NRXN3: variants seen among roughly 807,000 people sequenced by gnomAD.
The protein encoded by NRXN3 is neurexin III.
Under a neutral mutation model 137.6 loss-of-function variants are expected in NRXN3, and 32 were observed. That is an observed-to-expected ratio of 0.23 (90% CI 0.18 to 0.31). NRXN3 has a LOEUF of 0.31. Ranked by LOEUF, NRXN3 falls within the 10% of genes least tolerant of loss-of-function variation. The pLI, the probability that NRXN3 is intolerant of heterozygous loss-of-function variation, is 1.00. For synonymous variants in NRXN3, 798 were observed against 784.5 expected (o/e 1.02, Z -0.29); for missense variants, 1,574 against 2,062.5 (o/e 0.76, Z 4.59).
At chr14:78,233,317 A>G (rs2065712224) in intron 1 of NRXN3, among the ~76,000 whole-genome samples, 1 of 152,128 alleles carries the variant, frequency 6.6e-6, no homozygotes, top group African/African-American at 2.4e-5. Context: ...CTGACTTCCA[A>G]TCTAGTGGTC....
At chr14:79,358,407 A>G (rs2153408912) in intron 15 of NRXN3, among the ~76,000 whole-genome samples, 1 of 151,558 alleles carries the variant, frequency 6.6e-6, no homozygotes, top group East Asian at 2.0e-4. Flanking sequence ...CGTCTCTACT[A>G]AAAATACAGA....
At chr14:79,517,594 C>G (rs1422176857) in intron 16 of NRXN3, among the ~76,000 whole-genome samples, 2 of 151,948 alleles carry the variant, frequency 1.3e-5, no homozygotes, top group African/African-American at 4.8e-5. Context: ...CCATGTTTTG[C>G]TTTATATTAT....
intron 4 of NRXN3, among the ~76,000 whole-genome samples, chr14:78,623,256 T>C (rs2097423277): frequency 6.6e-6 from 1 of 152,214 alleles, no homozygotes; most frequent in African/African-American, 2.4e-5. Context: ...AGTTCTAGTC[T>C]CCAGAGTTTT....
intron 16 of NRXN3, among the ~76,000 whole-genome samples, chr14:79,491,437 A>G (rs1211605385): frequency 3.9e-5 from 6 of 152,192 alleles, no homozygotes; most frequent in Admixed American, 3.3e-4. Flanking sequence ...CATGTCTTAA[A>G]TGATTTCTAC....
intron 15 of NRXN3, among the ~76,000 whole-genome samples, chr14:79,303,953 TCAG>T (rs2085583903): frequency 6.6e-6 from 1 of 152,082 alleles, no homozygotes; most frequent in African/African-American, 2.4e-5. Flanking sequence ...AGTAGTGGCA[TCAG>T]CAGCAACAAC....
chr14:79,207,025 T>A (rs2066889176), intron 15 of NRXN3, among the ~76,000 whole-genome samples: 1 of 152,166 alleles, frequency 6.6e-6, no homozygotes, highest in South Asian at 2.1e-4. Flanking sequence ...AGGGGCGATG[T>A]CCCCCAGCAC....
At chr14:79,619,188 G>A (rs577207197) in intron 16 of NRXN3, among the ~76,000 whole-genome samples, 1 of 152,118 alleles carries the variant, frequency 6.6e-6, no homozygotes, top group African/African-American at 2.4e-5. Flanking sequence ...CTTTTGCTGT[G>A]CAAAAAGTCT....
chr14:78,464,501 G>A (rs867651932), intron 4 of NRXN3, among the ~76,000 whole-genome samples: 1 of 152,148 alleles, frequency 6.6e-6, no homozygotes, highest in South Asian at 2.1e-4. Flanking sequence ...CCATTGAAGG[G>A]ATTAGATTCT....
chr14:79,071,187 T>C (rs1245261920), intron 15 of NRXN3, among the ~76,000 whole-genome samples: 1 of 151,088 alleles, frequency 6.6e-6, no homozygotes, highest in Admixed American at 6.6e-5. Context: ...ACACAGAGCT[T>C]GATTGTTCTA....
intron 8 of NRXN3, among the ~76,000 whole-genome samples, chr14:78,794,939 A>AACAAAC (rs1555499207): frequency 6.9e-6 from 1 of 144,620 alleles, no homozygotes; most frequent in East Asian, 2.1e-4. Flanking sequence ...CAAACAAACA[A>AACAAAC]AAAAAAAAGT....
intron 15 of NRXN3, among the ~76,000 whole-genome samples, chr14:79,123,785 T>C (rs1361060906): frequency 1.3e-5 from 2 of 152,180 alleles, no homozygotes; most frequent in Admixed American, 1.3e-4. Flanking sequence ...GTGGGAGTAC[T>C]GTATACATGA....
At chr14:78,171,765 C>G (rs2058747123) in intron 1 of NRXN3, among the ~76,000 whole-genome samples, 1 of 151,950 alleles carries the variant, frequency 6.6e-6, no homozygotes. Context: ...TTCCCTTCCT[C>G]CATTAAATGT....
intron 2 of NRXN3, among the ~76,000 whole-genome samples, chr14:78,271,127 A>G (rs2072658731): frequency 6.6e-6 from 1 of 152,264 alleles, no homozygotes; most frequent in African/African-American, 2.4e-5. Flanking sequence ...GTCTGTTAAA[A>G]GTGCCATATT....
At chr14:79,001,886 G>A (rs1382026964) in intron 15 of NRXN3, among the ~76,000 whole-genome samples, 1 of 152,132 alleles carries the variant, frequency 6.6e-6, no homozygotes, top group East Asian at 1.9e-4. Context: ...GCAGAGTATT[G>A]GGCCTGGGAA....
intron 4 of NRXN3, among the ~76,000 whole-genome samples, chr14:78,493,490 T>G (rs1466986664): frequency 6.6e-6 from 1 of 151,026 alleles, no homozygotes; most frequent in South Asian, 2.1e-4. Context: ...GCCTTTGCAC[T>G]CCAGCCTAGG....
intron 15 of NRXN3, among the ~76,000 whole-genome samples, chr14:79,250,465 C>T (rs2075779148): frequency 6.6e-6 from 1 of 152,194 alleles, no homozygotes; most frequent in Admixed American, 6.5e-5. Flanking sequence ...CTATGATATG[C>T]TGAGAGCTTT....
At chr14:78,517,865 T>G (rs2096232848) in intron 4 of NRXN3, among the ~76,000 whole-genome samples, 1 of 152,156 alleles carries the variant, frequency 6.6e-6, no homozygotes, top group Non-Finnish European at 1.5e-5. Context: ...CAGTTTAGAT[T>G]GTCAGAAAAA....
chr14:79,568,260 T>C (rs901650648), intron 16 of NRXN3, among the ~76,000 whole-genome samples: 1 of 152,150 alleles, frequency 6.6e-6, no homozygotes, highest in African/African-American at 2.4e-5. Context: ...ATCCAGGTTT[T>C]ATCTATAAAC....
At chr14:78,659,667 G>A (rs1241280696) in intron 6 of NRXN3, among the ~76,000 whole-genome samples, 6 of 149,160 alleles carry the variant, frequency 4.0e-5, no homozygotes, top group African/African-American at 1.2e-4. Context: ...GCAACAGAGC[G>A]AGACTCTGTC....
Sources: gnomAD v4.1 joint callset for allele counts (sites outside exome capture counted in the v4.1 genomes callset) on GRCh38, gnomAD v4.1.1 for gene constraint, MANE v1.5 for transcripts, NCBI Gene and HGNC (gene_info 2026-07-23, HGNC 2026-07-21) for gene names.